CDC20B: variants seen among roughly 807,000 people sequenced by gnomAD.
CDC20B encodes the protein cell division cycle protein 20 homolog B.
A neutral mutation model predicts 64.1 loss-of-function variants in CDC20B; 58 were observed. The ratio of observed to expected loss-of-function variants is 0.90; its 90% CI spans 0.73 to 1.13. The LOEUF (loss-of-function observed/expected upper bound fraction) is 1.13. Ranked by LOEUF, CDC20B falls within the 50% of genes most tolerant of loss-of-function variation. CDC20B has a pLI of 0.00. For missense variants in CDC20B, 597 were observed against 633.0 expected (o/e 0.94, Z 0.61); for synonymous variants, 243 against 230.6 (o/e 1.05, Z -0.49).
At chr5:55,132,063 AAAAG>A (rs1169917632) in intron 6 of CDC20B, among the ~76,000 whole-genome samples, 1 of 152,210 alleles carries the variant, frequency 6.6e-6, no homozygotes, top group African/African-American at 2.4e-5. Flanking sequence ...TGTTTAAAAA[AAAAG>A]AAAGAAAGAA....
chr5:55,134,084 A>C (rs145949887), intron 5 of CDC20B, among the ~76,000 whole-genome samples: 31 of 152,286 alleles, frequency 2.0e-4, no homozygotes, highest in African/African-American at 7.0e-4. Context: ...GCTTTTGGTT[A>C]ATTTTACCCA....
rs1170815552 is a variant in CDC20B, at chr5:55,173,034, C to A, written c.-34G>T. 6.3e-7 allele frequency: 1 copy of A among 1,590,316 alleles called. No individual in the cohort carries two copies. Among genetic ancestry groups the A allele is most frequent in the African/African-American group, 1.3e-5 (1 of 74,488 alleles). The stretch of plus-strand genomic sequence containing the variant: ...GACTTCGCCCTGCCTGGCGTTTGGC[C>A]TCTCTGCTCGACTGCCTCTGGTTTT... On this transcript the variant is annotated 5_prime_UTR_variant, in exon 1 of 12. In the 5' UTR this introduces an upstream ATG that the reference lacks. Coordinates refer to ENST00000381375, the MANE Select transcript of CDC20B (RefSeq NM_001170402.1).
intron 2 of CDC20B, among the ~76,000 whole-genome samples, chr5:55,163,074 G>A (rs571853624): frequency 5.5e-4 from 84 of 152,048 alleles, no homozygotes; most frequent in Non-Finnish European, 9.7e-4. Flanking sequence ...GAAGCACGGA[G>A]CGTACATTAA....
chr5:55,125,639 A>G (rs2111816557), intron 8 of CDC20B, among the ~76,000 whole-genome samples: 1 of 152,378 alleles, frequency 6.6e-6, no homozygotes, highest in South Asian at 2.1e-4. Flanking sequence ...ATGTGAATCT[A>G]AACAACTAAA....
At chr5:55,161,191 C>A in intron 2 of CDC20B, 15 of 1,614,100 alleles carry the variant, frequency 9.3e-6, no homozygotes, top group Non-Finnish European at 1.3e-5. Context: ...GAGTAACTTT[C>A]CCCATCTTCC....
chr5:55,158,051 T>C (rs1001624333), intron 2 of CDC20B, among the ~76,000 whole-genome samples: 19 of 152,196 alleles, frequency 1.2e-4, no homozygotes, highest in Admixed American at 3.3e-4. Flanking sequence ...CCAAAGACTC[T>C]TGTTGCTCTG....
At chr5:55,162,784 T>A (rs1023028131) in intron 2 of CDC20B, among the ~76,000 whole-genome samples, 2 of 152,252 alleles carry the variant, frequency 1.3e-5, no homozygotes, top group African/African-American at 4.8e-5. Flanking sequence ...AGGTTATTTC[T>A]CTTTATCACT....
chr5:55,134,915 G>C (rs1743122191), intron 5 of CDC20B, among the ~76,000 whole-genome samples: 1 of 152,158 alleles, frequency 6.6e-6, no homozygotes, highest in Admixed American at 6.5e-5. Context: ...AACAGACAAA[G>C]CAGTGAGCAT....
intron 3 of CDC20B, 105 bp downstream of exon 3, chr5:55,146,523 T>C: frequency 1.4e-6 from 1 of 725,152 alleles, no homozygotes; most frequent in Non-Finnish European, 2.3e-6. Context: ...GAGAAAAGAG[T>C]TGACTCAAAG....
At chr5:55,115,021 G>A (rs1409203737) in intron 11 of CDC20B, among the ~76,000 whole-genome samples, 21 of 151,924 alleles carry the variant, frequency 1.4e-4, no homozygotes, top group Non-Finnish European at 2.8e-4. Context: ...CCATTCCTAC[G>A]AATGACAGTG....
In CDC20B at chr5:55,114,233, T is replaced by C. The variant is rs369106085; in HGVS notation, c.1545A>G (p.Val515=). The change falls in exon 12 of 12, where the codon GTA becomes GTG. Residue 515 remains valine, a synonymous_variant. Transcript: ENST00000381375. This position sits in a 1 kb window ranked among gnomAD's most constrained non-coding sequence, Gnocchi z 4.1. The part of the protein sequence containing the change: ...FSAAADGTAS[V]WNCY ...GGGCTGGGTGCTAGTAGCAATTCCA[T>C]ACAGAGGCCGTCCCATCAGCTGCAG... 5 of 1,613,552 alleles carry C rather than the reference T, an allele frequency of 3.1e-6. No homozygotes were observed. The highest frequency in any genetic ancestry group is 4.5e-5 in the East Asian group (2 of 44,802).
intron 1 of CDC20B, 80 bp downstream of exon 1, chr5:55,172,854 CTTGG>C (rs1241777694): frequency 1.5e-6 from 2 of 1,342,818 alleles, no homozygotes; most frequent in Admixed American, 2.6e-5. Context: ...CGTACCACCT[CTTGG>C]TCCTAAACAG....
intron 7 of CDC20B, 87 bp from the exon 8 acceptor site, chr5:55,127,438 G>A: frequency 9.9e-7 from 1 of 1,013,016 alleles, no homozygotes; most frequent in East Asian, 2.4e-5. Context: ...AATTACTGCT[G>A]ATATTGTTAG....
chr5:55,171,683 G>A (rs1709132747), intron 2 of CDC20B, among the ~76,000 whole-genome samples: 1 of 152,094 alleles, frequency 6.6e-6, no homozygotes, highest in Non-Finnish European at 1.5e-5. Flanking sequence ...GCTCACTGCA[G>A]CCTTGAACGC....
chr5:55,157,170 C>T (rs950897815), intron 2 of CDC20B, among the ~76,000 whole-genome samples: 2 of 152,138 alleles, frequency 1.3e-5, no homozygotes, highest in African/African-American at 4.8e-5. Flanking sequence ...ACTGAAAGAG[C>T]GCTGGTGGTT....
rs770038913 is a variant in CDC20B at position 55,114,352 on chromosome 5, C to A, written c.1460-34G>T. 9 of 1,610,070 alleles carry A rather than the reference C, an allele frequency of 5.6e-6. No individual in the cohort carries two copies. In the East Asian group the frequency reaches 1.6e-4, roughly 28 times the overall value. On this transcript the variant is annotated intron_variant, in intron 11 of 11. Coordinates refer to ENST00000381375, the MANE Select transcript of CDC20B (RefSeq NM_001170402.1). The surrounding 1 kb of genome is among the most constrained non-coding windows in gnomAD (Gnocchi z 4.1). ...AGAAGGAAAGACAGTTCATACTCCT[C>A]CACGTTACATGGGCTGCTGCTCAGG...
intron 11 of CDC20B, among the ~76,000 whole-genome samples, chr5:55,119,042 CATAA>C (rs1221870441): frequency 8.5e-5 from 13 of 152,174 alleles, no homozygotes; most frequent in African/African-American, 3.1e-4. Flanking sequence ...ATAGATGCTT[CATAA>C]ATAAATAATC....
At chr5:55,169,808 G>A (rs1282690053) in intron 2 of CDC20B, among the ~76,000 whole-genome samples, 1 of 152,168 alleles carries the variant, frequency 6.6e-6, no homozygotes, top group South Asian at 2.1e-4. Flanking sequence ...TTCTAATGCT[G>A]TATTTAGAAA....
At chr5:55,169,365 A>G (rs557532369) in intron 2 of CDC20B, among the ~76,000 whole-genome samples, 1 of 152,354 alleles carries the variant, frequency 6.6e-6, no homozygotes, top group South Asian at 2.1e-4. Flanking sequence ...AATATTTCTT[A>G]TATCTCATCT....
Sources: gnomAD v4.1 joint callset for allele counts (sites outside exome capture counted in the v4.1 genomes callset) on GRCh38, gnomAD v4.1.1 for gene constraint, Gnocchi (gnomAD v3.1) non-coding constraint, MANE v1.5 for transcripts, NCBI Gene and HGNC (gene_info 2026-07-23, HGNC 2026-07-21) for gene names.